The following FGGY variants were observed in gnomAD, a reference collection of about 807,000 sequenced individuals.
The protein encoded by FGGY is FGGY carbohydrate kinase domain-containing protein.
Under a neutral mutation model 71.3 loss-of-function variants are expected in FGGY, and 72 were observed. That is an observed-to-expected ratio of 1.01 (90% CI 0.84 to 1.23). The LOEUF is 1.23. Ranked by LOEUF, FGGY falls within the 50% of genes most tolerant of loss-of-function variation. FGGY has a pLI of 0.00. For missense variants in FGGY, 668 were observed against 682.3 expected (o/e 0.98, Z 0.23); for synonymous variants, 251 against 250.3 (o/e 1.00, Z -0.02).
chr1:59,612,381 A>C (rs1364617349), intron 9 of FGGY, among the ~76,000 whole-genome samples: 1 of 152,224 alleles, frequency 6.6e-6, no homozygotes, highest in Non-Finnish European at 1.5e-5. Flanking sequence ...CCAGAATTTC[A>C]TATCCAGCCA....
At position 59,668,264 on chromosome 1, in the gene FGGY, T is replaced by C. The variant is rs567709225; in HGVS notation, c.1417+861T>C. Among the ~76,000 whole-genome samples, 456 of 152,202 alleles carry C rather than the reference T, an allele frequency of 3.0e-3. 3 individuals are homozygous for C. The highest frequency in any genetic ancestry group is 0.011 in the African/African-American group (444 of 41,510). On this transcript the variant is annotated intron_variant, in intron 13 of 15. Coordinates refer to ENST00000303721, the MANE Select transcript of FGGY (RefSeq NM_018291.5). ...TCTCTGGACCTGATACCCTCACCCC[T>C]TTTACTCCTTGCCCCTCTAGTGTCT...
intron 5 of FGGY, among the ~76,000 whole-genome samples, chr1:59,451,403 G>T (rs2072687838): frequency 6.7e-6 from 1 of 149,150 alleles, no homozygotes; most frequent in African/African-American, 2.5e-5. Context: ...AGAACAGCAA[G>T]CCTATTGTAT....
chr1:59,317,632 G>A (rs1208889279), intron 1 of FGGY, among the ~76,000 whole-genome samples: 1 of 152,180 alleles, frequency 6.6e-6, no homozygotes, highest in East Asian at 1.9e-4. Flanking sequence ...CTATGATGCA[G>A]AAAGTCCTTT....
chr1:59,514,287 C>T (rs567242531), intron 7 of FGGY, among the ~76,000 whole-genome samples: 14 of 152,252 alleles, frequency 9.2e-5, no homozygotes, highest in Non-Finnish European at 1.6e-4. Context: ...TGGCTGGGAC[C>T]GGCATATGCT....
intron 11 of FGGY, among the ~76,000 whole-genome samples, chr1:59,643,000 ACT>A (rs2097053172): frequency 6.7e-6 from 1 of 148,954 alleles, no homozygotes; most frequent in Admixed American, 6.8e-5. Context: ...ACGCCACTGC[ACT>A]CTAGCCTGGG....
intron 7 of FGGY, among the ~76,000 whole-genome samples, chr1:59,540,990 T>C (rs1186083852): frequency 6.6e-6 from 1 of 152,232 alleles, no homozygotes; most frequent in African/African-American, 2.4e-5. Flanking sequence ...AATTATGTTA[T>C]GAATCCTCTT....
chr1:59,516,705 A>G (rs1241286313), intron 7 of FGGY, among the ~76,000 whole-genome samples: 2 of 152,180 alleles, frequency 1.3e-5, no homozygotes, highest in African/African-American at 4.8e-5. Context: ...AATGTCAAGT[A>G]CAGACACAGC....
At chr1:59,520,823 G>A (rs1288896175) in intron 7 of FGGY, among the ~76,000 whole-genome samples, 11 of 152,150 alleles carry the variant, frequency 7.2e-5, no homozygotes, top group Non-Finnish European at 1.3e-4. Flanking sequence ...ACCCAGAGGA[G>A]ACAGCCTGGG....
At chr1:59,474,059 C>G (rs181764390) in intron 6 of FGGY, 23 of 152,344 alleles carry the variant, frequency 1.5e-4, no homozygotes, top group African/African-American at 4.3e-4. Context: ...CAAGAATATT[C>G]ACTCCTGCAT....
intron 8 of FGGY, among the ~76,000 whole-genome samples, chr1:59,587,351 C>G (rs1249197921): frequency 2.6e-5 from 4 of 152,070 alleles, no homozygotes; most frequent in Admixed American, 6.5e-5. Context: ...TCTGTAGGCT[C>G]CACCTCTGGG....
At chr1:59,715,500 T>G (rs1053168567) in intron 14 of FGGY, among the ~76,000 whole-genome samples, 2 of 152,182 alleles carry the variant, frequency 1.3e-5, no homozygotes, top group African/African-American at 4.8e-5. Context: ...TCAATGAAAT[T>G]TGGTCTTGGT....
At chr1:59,561,497 CAT>C (rs2095792875) in intron 8 of FGGY, among the ~76,000 whole-genome samples, 1 of 152,156 alleles carries the variant, frequency 6.6e-6, no homozygotes, top group East Asian at 1.9e-4. Context: ...ATTTGAGAAA[CAT>C]AGAAACATTA....
chr1:59,331,797 C>A (rs113233366), intron 2 of FGGY: 3 of 152,206 alleles, frequency 2.0e-5, no homozygotes, highest in African/African-American at 7.2e-5. Context: ...ATTATTTTCG[C>A]TAAGGACTTA....
intron 7 of FGGY, among the ~76,000 whole-genome samples, chr1:59,542,902 C>T (rs1221993108): frequency 6.6e-6 from 1 of 152,138 alleles, no homozygotes; most frequent in Admixed American, 6.5e-5. Flanking sequence ...GGCACTCATT[C>T]CCTAAGGCAC....
intron 10 of FGGY, among the ~76,000 whole-genome samples, chr1:59,637,835 G>T (rs762584863): frequency 6.6e-6 from 1 of 152,174 alleles, no homozygotes; most frequent in African/African-American, 2.4e-5. Context: ...GTACTGTACA[G>T]TTTACAAAAT....
intron 14 of FGGY, among the ~76,000 whole-genome samples, chr1:59,722,806 G>A (rs1442868552): frequency 6.6e-6 from 1 of 151,860 alleles, no homozygotes; most frequent in Non-Finnish European, 1.5e-5. Flanking sequence ...GTTTTGTTTT[G>A]TTTTGTCTGT....
rs78971300 is a variant in FGGY, at chr1:59,714,543, A to G, written c.1512+40410A>G. On this transcript the variant is annotated intron_variant, in intron 14 of 15. Transcript: ENST00000303721. ...GTGTCTTTGGGGGATTATAGCCTAA[A>G]TGGTTTTACTCTGGCACATGTGGAA... Among the ~76,000 whole-genome samples, 620 of 152,330 alleles carry G rather than the reference A, an allele frequency of 4.1e-3. 5 individuals carry two copies. Among genetic ancestry groups the G allele is most frequent in the African/African-American group, 0.014 (580 of 41,582 alleles).
intron 1 of FGGY, among the ~76,000 whole-genome samples, chr1:59,301,235 G>T (rs1323347201): frequency 6.6e-6 from 1 of 152,098 alleles, no homozygotes; most frequent in East Asian, 1.9e-4. Flanking sequence ...TATTGTAAAT[G>T]ATATTAAAAT....
At chr1:59,642,745 C>T (rs1017744285) in intron 11 of FGGY, among the ~76,000 whole-genome samples, 4 of 150,382 alleles carry the variant, frequency 2.7e-5, no homozygotes, top group African/African-American at 4.9e-5. Flanking sequence ...AAAACCATTA[C>T]ATACGGCTGG....
Sources: gnomAD v4.1 joint callset for allele counts (sites outside exome capture counted in the v4.1 genomes callset) on GRCh38, gnomAD v4.1.1 for gene constraint, MANE v1.5 for transcripts, NCBI Gene and HGNC (gene_info 2026-07-23, HGNC 2026-07-21) for gene names.